MYO1H: variants seen among roughly 807,000 people sequenced by gnomAD.
The protein encoded by MYO1H is myosin IH.
A neutral mutation model predicts 149.3 loss-of-function variants in MYO1H; 118 were observed. The observed-to-expected ratio is 0.79, with a 90% CI of 0.68 to 0.92. The LOEUF (loss-of-function observed/expected upper bound fraction) is 0.92. MYO1H is among the 40% of genes least tolerant of loss of function. MYO1H has a pLI of 0.00. For synonymous variants in MYO1H, 447 were observed against 465.2 expected (o/e 0.96, Z 0.50); for missense variants, 1,212 against 1,280.7 (o/e 0.95, Z 0.82).
chr12:109,325,106 T>A, the MYO1H span, among the ~76,000 whole-genome samples: 29 of 152,230 alleles, frequency 1.9e-4, no homozygotes, highest in African/African-American at 6.8e-4. Context: ...ACATTTTCTT[T>A]ATCTAGTCTA....
exon 8 of MYO1H, chr12:109,405,927 C>A: frequency 6.2e-7 from 1 of 1,608,842 alleles, no homozygotes; most frequent in South Asian, 1.1e-5. Context: ...CCTAGAATCT[C>A]TTTGGAATTA....
intron 10 of MYO1H, among the ~76,000 whole-genome samples, chr12:109,409,240 C>CTTTTTT (rs1870542742): frequency 2.2e-5 from 2 of 91,024 alleles, no homozygotes; most frequent in African/African-American, 5.3e-5. Context: ...TCTTCTTCTT[C>CTTTTTT]TTCTTCTTTT....
At chr12:109,334,505 G>T in the MYO1H span, among the ~76,000 whole-genome samples, 2 of 152,162 alleles carry the variant, frequency 1.3e-5, no homozygotes, top group Non-Finnish European at 1.5e-5. Flanking sequence ...CCACATTGTT[G>T]TAGATGAGAA....
Position 109,444,522 on chromosome 12 carries a change from C to G in MYO1H, c.2986C>G (p.Gln996Glu), listed in dbSNP as rs763703353. The G allele has an allele frequency of 6.2e-7, 1 of 1,613,200 alleles. No homozygotes were observed. Among genetic ancestry groups the G allele is most frequent in the Non-Finnish European group, 8.5e-7 (1 of 1,179,260 alleles). ...GAAGGAGAACATTGTCAATGTTGTT[C>G]AAGGAAGGTAGGTGGCTTCATCTTC... Residue 996 changes from glutamine to glutamate, a missense_variant, in exon 30 of 32, where the codon CAA (glutamine) becomes GAA (glutamate). Physicochemically the swap from Gln to Glu is conservative, Grantham distance 29. Transcript: ENST00000310903.
intron 1 of MYO1H, among the ~76,000 whole-genome samples, chr12:109,375,652 C>G (rs1869072912): frequency 6.6e-6 from 1 of 151,918 alleles, no homozygotes; most frequent in African/African-American, 2.4e-5. Context: ...TACATCATTC[C>G]CTTTATGGTT....
At chr12:109,443,082 G>GTATGTGTGTATGTGTACATA (rs1872255522) in intron 27 of MYO1H, among the ~76,000 whole-genome samples, 1 of 49,662 alleles carries the variant, frequency 2.0e-5, no homozygotes, top group African/African-American at 1.3e-4. Context: ...ATATGTGTAC[G>GTATGTGTGTATGTGTACATA]TATGTGTGTA....
At position 109,438,529 on chromosome 12, in the gene MYO1H, C is replaced by CT; in HGVS notation, c.2210-4dup. On this transcript the variant is annotated splice_region_variant and splice_polypyrimidine_tract_variant and intron_variant, in intron 22 of 31. Transcript: ENST00000310903. ...CACCTTCTAATGCCAGCAGTGAACTCTTTCAGCCATCAAACTGGAAGCCCA... is the reference window on the plus strand; with the variant it reads ...CACCTTCTAATGCCAGCAGTGAACTCTTTTCAGCCATCAAACTGGAAGCCCA... 1 of 1,611,270 alleles carries CT rather than the reference C, an allele frequency of 6.2e-7. No individual in the cohort carries two copies. Among genetic ancestry groups the CT allele is most frequent in the Non-Finnish European group, 8.5e-7 (1 of 1,178,304 alleles).
At chr12:109,393,594 T>TCCGC in intron 3 of MYO1H, 148 bp downstream of exon 3, 1 of 636,448 alleles carries the variant, frequency 1.6e-6, no homozygotes, top group Non-Finnish European at 2.8e-6. Context: ...CATCCATTCA[T>TCCGC]CCACCTATCC....
the MYO1H span, among the ~76,000 whole-genome samples, chr12:109,317,579 A>G: frequency 6.6e-6 from 1 of 152,156 alleles, no homozygotes; most frequent in African/African-American, 2.4e-5. Flanking sequence ...TATCCTAAGT[A>G]TTATTTTTCC....
intron 1 of MYO1H, among the ~76,000 whole-genome samples, chr12:109,385,299 CTT>C (rs3068977): frequency 1.4e-5 from 2 of 144,186 alleles, no homozygotes; most frequent in African/African-American, 2.6e-5. Context: ...TCTTTCTTTT[CTT>C]TTTTTTTTTT....
At chr12:109,435,985 A>T (rs1871841299) in intron 21 of MYO1H, among the ~76,000 whole-genome samples, 1 of 152,078 alleles carries the variant, frequency 6.6e-6, no homozygotes, top group Non-Finnish European at 1.5e-5. Context: ...GCTCTTGATG[A>T]GCTTGGCCTC....
intron 10 of MYO1H, among the ~76,000 whole-genome samples, chr12:109,409,246 C>CTTCTTTTTTTTTT (rs1870549669): frequency 2.1e-5 from 1 of 47,840 alleles, no homozygotes; most frequent in African/African-American, 7.4e-5. Context: ...TCTTCTTCTT[C>CTTCTTTTTTTTTT]TTTTTTTTTT....
intron 22 of MYO1H, among the ~76,000 whole-genome samples, chr12:109,437,336 G>T (rs1273890276): frequency 6.6e-6 from 1 of 151,986 alleles, no homozygotes; most frequent in Non-Finnish European, 1.5e-5. Context: ...TTATAATTTA[G>T]CATGTTTTAA....
the MYO1H span, among the ~76,000 whole-genome samples, chr12:109,310,924 C>T: frequency 6.6e-6 from 1 of 152,128 alleles, no homozygotes. Context: ...GTGTTTTGAC[C>T]GGTTAGGAAA....
At chr12:109,402,429 T>C (rs1229032281) in intron 6 of MYO1H, among the ~76,000 whole-genome samples, 2 of 152,176 alleles carry the variant, frequency 1.3e-5, no homozygotes, top group East Asian at 3.8e-4. Flanking sequence ...CAACACTTTC[T>C]AGAAATCATG....
intron 1 of MYO1H, among the ~76,000 whole-genome samples, chr12:109,356,011 C>T (rs1868589053): frequency 6.6e-6 from 1 of 152,068 alleles, no homozygotes; most frequent in South Asian, 2.1e-4. Flanking sequence ...AGCCACCACA[C>T]CTGGCCACAG....
intron 1 of MYO1H, among the ~76,000 whole-genome samples, chr12:109,366,979 A>C (rs1868878861): frequency 6.6e-6 from 1 of 152,222 alleles, no homozygotes; most frequent in South Asian, 2.1e-4. Context: ...ACCAGCAAGC[A>C]TAATGCAAAT....
At chr12:109,343,378 A>G (rs1426335198), upstream of MYO1H, among the ~76,000 whole-genome samples, 1 of 152,234 alleles carries the variant, frequency 6.6e-6, no homozygotes, top group Non-Finnish European at 1.5e-5. Context: ...TATGTCCATT[A>G]TTATAACTCA....
At chr12:109,436,581 A>C (rs960925322) in intron 22 of MYO1H, 25 bp downstream of exon 22, 1 of 1,546,848 alleles carries the variant, frequency 6.5e-7, no homozygotes, top group Non-Finnish European at 8.8e-7. Context: ...GAAACAAATA[A>C]GTTTGCTCCC....
Sources: gnomAD v4.1 joint callset for allele counts (sites outside exome capture counted in the v4.1 genomes callset) on GRCh38, gnomAD v4.1.1 for gene constraint, MANE v1.5 for transcripts, NCBI Gene and HGNC (gene_info 2026-07-23, HGNC 2026-07-21) for gene names.